The following ADARB1 variants were observed in gnomAD, a reference collection of about 807,000 sequenced individuals.
ADARB1 encodes double-stranded RNA-specific editase 1.
In ADARB1, 10 loss-of-function variants were observed where a neutral mutation model predicts 52.4. The observed-to-expected ratio is 0.19, with a 90% CI of 0.12 to 0.32. The LOEUF is 0.32. Among genes scored for constraint, ADARB1 ranks in the 10% least tolerant of loss-of-function variants. The probability of loss-of-function intolerance (pLI) is 1.00; values close to 1 mark genes in which losing one functional copy is unlikely to be tolerated. For missense variants in ADARB1, 643 were observed against 922.3 expected (o/e 0.70, Z 3.92); for synonymous variants, 349 against 371.1 (o/e 0.94, Z 0.68).
Position 45,183,485 on chromosome 21 carries a change from C to T in ADARB1, c.1371C>T (p.Phe457=). 6.2e-7 allele frequency: 1 copy of T among 1,611,562 alleles called. No homozygotes were observed. Among genetic ancestry groups the T allele is most frequent in the Non-Finnish European group, 8.5e-7 (1 of 1,179,346 alleles). The change falls in exon 7 of 11, where the codon TTC becomes TTT. Residue 457 remains phenylalanine, a synonymous_variant. Transcript: ENST00000348831. ...STSPCGDARI[F]SPHEPILEEP... is the part of the protein sequence containing the mutation. ...CTCCCTGTGGAGATGCCAGAATCTT[C>T]TCACCACATGAGCCAATCCTGGAAG...
intron 2 of ADARB1, among the ~76,000 whole-genome samples, chr21:45,143,505 A>G (rs1473617908): frequency 6.6e-6 from 1 of 152,084 alleles, no homozygotes; most frequent in Non-Finnish European, 1.5e-5. Flanking sequence ...CTCTGGCCTG[A>G]GTGTTCCTTT....
intron 2 of ADARB1, among the ~76,000 whole-genome samples, chr21:45,136,615 G>C (rs977648512): frequency 6.6e-6 from 1 of 152,258 alleles, no homozygotes; most frequent in Non-Finnish European, 1.5e-5. Context: ...TGTGGGGACA[G>C]ACCAGTCCTG....
At chr21:45,088,042 A>T (rs933644892) in intron 1 of ADARB1, among the ~76,000 whole-genome samples, 1 of 152,222 alleles carries the variant, frequency 6.6e-6, no homozygotes, top group Non-Finnish European at 1.5e-5. Context: ...CAAAAGGAAG[A>T]TGGCAGAGGG....
intron 1 of ADARB1, among the ~76,000 whole-genome samples, chr21:45,093,225 T>C (rs1260846028): frequency 6.6e-6 from 1 of 152,226 alleles, no homozygotes; most frequent in Non-Finnish European, 1.5e-5. Flanking sequence ...CCAGGCACTT[T>C]GCTGGGGTGC....
At chr21:45,077,294 C>T (rs1251798915) in intron 1 of ADARB1, among the ~76,000 whole-genome samples, 1 of 152,152 alleles carries the variant, frequency 6.6e-6, no homozygotes, top group Non-Finnish European at 1.5e-5. Context: ...ACACATTTAC[C>T]AGCCTATAAA....
intron 2 of ADARB1, among the ~76,000 whole-genome samples, chr21:45,135,244 C>A (rs897675683): frequency 1.9e-4 from 29 of 152,272 alleles, no homozygotes; most frequent in Middle Eastern, 3.4e-3. Context: ...TCCCAAGATG[C>A]TTTGGCTGCA....
chr21:45,183,323 C>G, intron 6 of ADARB1, 39 bp from the exon 7 acceptor site: 12 of 1,565,868 alleles, frequency 7.7e-6, no homozygotes, highest in Non-Finnish European at 1.0e-5. Context: ...TAACTATATA[C>G]AGCTTTAAAT....
At chr21:45,178,825 C>T (rs909149463) in intron 4 of ADARB1, among the ~76,000 whole-genome samples, 1 of 152,042 alleles carries the variant, frequency 6.6e-6, no homozygotes, top group Non-Finnish European at 1.5e-5. Context: ...GTTAATGAGA[C>T]CAGTAATCCC....
rs965613221 is a variant in ADARB1, at chr21:45,187,127, A to G, written c.1565+2036A>G. Among the ~76,000 whole-genome samples the G allele has an allele frequency of 1.5e-4, 23 of 152,204 alleles. 2 individuals are homozygous for G. On this transcript the variant is annotated intron_variant, in intron 8 of 10. Transcript: ENST00000348831. ...TGCTTTGGTTAATATGGACATCTTAACAATATTAAGTCTTCTAACTCATGA... is the reference window on the plus strand; with the variant it reads ...TGCTTTGGTTAATATGGACATCTTAGCAATATTAAGTCTTCTAACTCATGA...
intron 4 of ADARB1, among the ~76,000 whole-genome samples, chr21:45,179,275 C>T (rs2091831881): frequency 6.6e-6 from 1 of 152,232 alleles, no homozygotes; most frequent in Admixed American, 6.5e-5. Context: ...TGAACACTGT[C>T]CTCTGGGGCT....
At position 45,109,767 on chromosome 21, in the gene ADARB1, G is replaced by A. The variant is rs377025676; in HGVS notation, c.-219-18635G>A. 9.8e-5 allele frequency among the ~76,000 whole-genome samples: 15 copies of A among 152,306 alleles called. 1 individual carries two copies. The South Asian group carries it at 1.0e-3, about 11-fold the overall frequency. On this transcript the variant is annotated intron_variant, in intron 1 of 10. Coordinates refer to ENST00000348831, the MANE Select transcript of ADARB1 (RefSeq NM_001112.4). ...CGTCTTGATGCCCCTCTTTCTGGATGCTTTTGGTGATAGAGAAGCCAAATC... is the reference window on the plus strand; with the variant it reads ...CGTCTTGATGCCCCTCTTTCTGGATACTTTTGGTGATAGAGAAGCCAAATC...
intron 2 of ADARB1, among the ~76,000 whole-genome samples, chr21:45,160,568 A>C (rs1245380155): frequency 6.6e-6 from 1 of 152,242 alleles, no homozygotes; most frequent in Non-Finnish European, 1.5e-5. Context: ...TAGTTATCTC[A>C]GTGCTAAATA....
At chr21:45,146,926 A>G (rs1187938519) in intron 2 of ADARB1, among the ~76,000 whole-genome samples, 1 of 152,076 alleles carries the variant, frequency 6.6e-6, no homozygotes, top group Non-Finnish European at 1.5e-5. Context: ...TTCTGGCTCC[A>G]CTTCTCAAAT....
In ADARB1 at chr21:45,221,187, T is replaced by TC. The variant is rs1344022849; in HGVS notation, c.1926+176dup. On this transcript the variant is annotated intron_variant, in intron 10 of 10. Coordinates refer to ENST00000348831, the MANE Select transcript of ADARB1 (RefSeq NM_001112.4). The surrounding 1 kb of genome is among the most constrained non-coding windows in gnomAD (Gnocchi z 4.9). The stretch of plus-strand genomic sequence containing the variant: ...GTTTTAGCTTAGAAGTGTGGCTACG[T>TC]CCCTGAAACCTTAATGCCATCTCAA... Among the ~76,000 whole-genome samples, 5 of 152,218 alleles carry TC rather than the reference T, an allele frequency of 3.3e-5. No homozygotes were observed. The highest frequency in any genetic ancestry group is 5.9e-5 in the Non-Finnish European group (4 of 68,034).
chr21:45,138,663 A>C (rs1248744398), intron 2 of ADARB1, among the ~76,000 whole-genome samples: 2 of 152,210 alleles, frequency 1.3e-5, no homozygotes, highest in African/African-American at 4.8e-5. Flanking sequence ...AAAGAGACAG[A>C]AAATGAGCCT....
In ADARB1 at chr21:45,180,218, A is replaced by G. The variant is rs1414117524; in HGVS notation, c.964-112A>G. ...CAGATTTACCTGTGTGGTCTTCCAG[A>G]TGAGAAGCAGCCTGTGTCACTCCAT... On this transcript the variant is annotated intron_variant, in intron 4 of 10. Coordinates refer to ENST00000348831, the MANE Select transcript of ADARB1 (RefSeq NM_001112.4). 5.3e-6 allele frequency: 4 copies of G among 748,178 alleles called. No individual in the cohort carries two copies. The East Asian group carries it at 1.1e-4, about 20-fold the overall frequency. The allele number at this position is 748,178 out of a possible 1,614,324, so 46.3% of individuals were successfully genotyped here. A position where few individuals can be genotyped will look rare whatever the true frequency, so the allele number is the denominator to read the frequency against.
chr21:45,151,992 C>T (rs911800448), intron 2 of ADARB1, among the ~76,000 whole-genome samples: 2 of 152,174 alleles, frequency 1.3e-5, no homozygotes, highest in African/African-American at 4.8e-5. Context: ...TGGTCCGAGA[C>T]ACGTGAGTTA....
chr21:45,206,755 G>T (rs905581689), intron 9 of ADARB1, among the ~76,000 whole-genome samples: 1 of 151,802 alleles, frequency 6.6e-6, no homozygotes, highest in Admixed American at 6.6e-5. Flanking sequence ...TGTATTTTTA[G>T]TAGAGACGGG....
intron 1 of ADARB1, among the ~76,000 whole-genome samples, chr21:45,105,350 C>T (rs2087201374): frequency 6.6e-6 from 1 of 152,210 alleles, no homozygotes; most frequent in Admixed American, 6.5e-5. Context: ...GATCTGCCTG[C>T]CTTGGCCTCT....
Sources: gnomAD v4.1 joint callset for allele counts (sites outside exome capture counted in the v4.1 genomes callset) on GRCh38, gnomAD v4.1.1 for gene constraint, Gnocchi (gnomAD v3.1) non-coding constraint, MANE v1.5 for transcripts, NCBI Gene and HGNC (gene_info 2026-07-23, HGNC 2026-07-21) for gene names.